The following KIF4A variants were observed in gnomAD, a reference collection of about 807,000 sequenced individuals.
KIF4A encodes the protein chromosome-associated kinesin KIF4A.
KIF4A carries 7 observed loss-of-function variants against 105.9 expected under a neutral mutation model. The ratio of observed to expected loss-of-function variants is 0.07; its 90% CI spans 0.04 to 0.12. The LOEUF (loss-of-function observed/expected upper bound fraction) is 0.12, where lower values mean the gene tolerates loss of function less well. Among genes scored for constraint, KIF4A ranks in the 10% least tolerant of loss-of-function variants. The pLI is 1.00. For synonymous variants in KIF4A, 281 were observed against 331.3 expected, an observed-to-expected ratio of 0.85 and a Z score of 1.65; for missense variants, 558 against 929.2, an observed-to-expected ratio of 0.60 and a Z score of 5.19.
At chrX:70,372,041 C>G (rs1164154457) in intron 15 of KIF4A, among the ~76,000 whole-genome samples, 3 of 103,465 alleles carry the variant, frequency 2.9e-5, no homozygotes, top group Non-Finnish European at 3.9e-5. Flanking sequence ...ACATCTCAGA[C>G]GATGGGCGGC....
intron 15 of KIF4A, among the ~76,000 whole-genome samples, chrX:70,372,985 A>G (rs1432040812): frequency 8.9e-6 from 1 of 112,320 alleles, no homozygotes; most frequent in African/African-American, 3.2e-5. Context: ...GTTAAGATTT[A>G]TGGGGCTGGG....
chrX:70,311,718 T>C (rs2085850466), intron 7 of KIF4A, among the ~76,000 whole-genome samples: 1 of 111,298 alleles, frequency 9.0e-6, no homozygotes, highest in South Asian at 3.8e-4. Context: ...TTCAGCACTT[T>C]GGGAGGTCAA....
At chrX:70,350,243 G>A (rs1466631706) in intron 13 of KIF4A, among the ~76,000 whole-genome samples, 5 of 111,247 alleles carry the variant, frequency 4.5e-5, no homozygotes, top group South Asian at 7.6e-4. Context: ...CCAGCACCTC[G>A]GGAGGCCGAG....
intron 28 of KIF4A, among the ~76,000 whole-genome samples, chrX:70,409,348 G>A (rs1264660146): frequency 1.8e-5 from 2 of 111,819 alleles, no homozygotes; most frequent in African/African-American, 6.5e-5. Context: ...CAGAGAGTTG[G>A]GACACTTAGA....
At chrX:70,345,123 GTATTAC>G (rs973958123) in intron 13 of KIF4A, among the ~76,000 whole-genome samples, 21 of 111,953 alleles carry the variant, frequency 1.9e-4, no homozygotes, top group Admixed American at 1.5e-3. Flanking sequence ...ACTAAGTGCT[GTATTAC>G]TATCAAAAGG....
chrX:70,419,597 G>T lies in KIF4A; in HGVS notation c.3373-64G>T, dbSNP rs760053437. On this transcript the variant is annotated intron_variant, in intron 29 of 30. Coordinates refer to ENST00000374403, the MANE Select transcript of KIF4A (RefSeq NM_012310.5). ...AGCTGTTACCTCTTTGGTTGAATGG[G>T]AGCAGACTGATTTTGTAAACCTGGC... The T allele has an allele frequency of 4.1e-5, 49 of 1,181,664 alleles. No individual in the cohort carries two copies. In the East Asian group the frequency reaches 1.3e-3, roughly 31 times the overall value.
intron 13 of KIF4A, among the ~76,000 whole-genome samples, chrX:70,347,747 G>T (rs1046401369): frequency 8.7e-5 from 9 of 103,535 alleles, no homozygotes; most frequent in African/African-American, 3.2e-4. Flanking sequence ...AGGCCGAGGC[G>T]GGCGGATCAC....
rs1346202284 is a variant in KIF4A at position 70,386,692 on chromosome X, A to G, written c.2109A>G (p.Lys703=). 1 of 1,195,965 alleles carries G rather than the reference A, an allele frequency of 8.4e-7. No homozygotes were observed. Among genetic ancestry groups the G allele is most frequent in the Non-Finnish European group, 1.1e-6 (1 of 882,512 alleles). ...FQKQSNVLRR[K]TEEAAAANKR... is the part of the protein sequence containing the mutation. ...AACAATCCAATGTGCTCAGACGTAA[A>G]ACGGAGGAGGTAAGAAAATTCAATC... Residue 703 remains lysine (K), a synonymous_variant, in exon 19 of 31, where the codon AAA becomes AAG. Coordinates refer to ENST00000374403, the MANE Select transcript of KIF4A (RefSeq NM_012310.5).
In KIF4A at chrX:70,341,628, C is replaced by G. The variant is rs764485730; in HGVS notation, c.1134-171C>G. 4.5e-5 allele frequency among the ~76,000 whole-genome samples: 5 copies of G among 111,936 alleles called. No individual in the cohort carries two copies. In the Admixed American group the frequency reaches 4.7e-4, roughly 11 times the overall value. On this transcript the variant is annotated intron_variant, in intron 10 of 30. Transcript: ENST00000374403. ...GTTTATTGTACATCCAATATTCTAC[C>G]TGACTAGGAGGATAGATTGGGTTGG...
At chrX:70,371,224 G>C (rs1303283826) in intron 15 of KIF4A, among the ~76,000 whole-genome samples, 2 of 88,663 alleles carry the variant, frequency 2.3e-5, no homozygotes, top group Admixed American at 3.0e-4. Flanking sequence ...TCAGTTTCTA[G>C]ACTTCGTTTT....
intron 3 of KIF4A, among the ~76,000 whole-genome samples, chrX:70,291,508 T>A (rs1250772989): frequency 9.0e-6 from 1 of 111,083 alleles, no homozygotes; most frequent in Non-Finnish European, 1.9e-5. Flanking sequence ...CAGTTAATAA[T>A]CTTTACTGGG....
chrX:70,306,349 A>T (rs1413271005), intron 7 of KIF4A, among the ~76,000 whole-genome samples: 1 of 111,527 alleles, frequency 9.0e-6, no homozygotes, highest in Non-Finnish European at 1.9e-5. Context: ...TTTCATTTCC[A>T]TATGAACATT....
At chrX:70,339,258 A>G (rs911232254) in intron 10 of KIF4A, among the ~76,000 whole-genome samples, 1 of 111,397 alleles carries the variant, frequency 9.0e-6, no homozygotes, top group Non-Finnish European at 1.9e-5. Context: ...TATAAAAGTG[A>G]CTAATTGCTT....
intron 28 of KIF4A, among the ~76,000 whole-genome samples, chrX:70,414,988 C>T (rs2086337479): frequency 8.9e-6 from 1 of 112,192 alleles, no homozygotes; most frequent in Admixed American, 9.5e-5. Context: ...TCTGATCACT[C>T]ACCTCTTTTT....
intron 13 of KIF4A, among the ~76,000 whole-genome samples, chrX:70,345,845 A>G (rs2085990444): frequency 9.0e-6 from 1 of 111,672 alleles, no homozygotes; most frequent in Non-Finnish European, 1.9e-5. Flanking sequence ...AAGGCAAGGA[A>G]AATTGGGAAT....
At chrX:70,309,221 A>G (rs2085839533) in intron 7 of KIF4A, among the ~76,000 whole-genome samples, 1 of 112,244 alleles carries the variant, frequency 8.9e-6, no homozygotes, top group African/African-American at 3.2e-5. Context: ...AAATATGATG[A>G]TGTTTCTCTA....
intron 15 of KIF4A, among the ~76,000 whole-genome samples, chrX:70,354,400 G>C (rs1405732170): frequency 1.8e-5 from 2 of 112,200 alleles, no homozygotes; most frequent in African/African-American, 6.5e-5. Flanking sequence ...GGAAGAATGG[G>C]TTGTTTTCCT....
chrX:70,417,523 T>G (rs1351744117), intron 28 of KIF4A, among the ~76,000 whole-genome samples: 1 of 112,023 alleles, frequency 8.9e-6, no homozygotes, highest in African/African-American at 3.2e-5. Context: ...GGCAGGCACC[T>G]GTAATCCCAG....
intron 15 of KIF4A, among the ~76,000 whole-genome samples, chrX:70,360,562 G>A (rs780530332): frequency 1.1e-3 from 124 of 113,339 alleles, no homozygotes; most frequent in African/African-American, 3.8e-3. Flanking sequence ...GTCAACAAGC[G>A]ACATTGGGGA....
Sources: gnomAD v4.1 joint callset for allele counts (sites outside exome capture counted in the v4.1 genomes callset) on GRCh38, gnomAD v4.1.1 for gene constraint, MANE v1.5 for transcripts, NCBI Gene and HGNC (gene_info 2026-07-23, HGNC 2026-07-21) for gene names.